The following CNTNAP4 variants were observed in gnomAD, a reference collection of about 807,000 sequenced individuals.
CNTNAP4 encodes contactin associated protein family member 4.
In CNTNAP4, 98 loss-of-function variants were observed where a neutral mutation model predicts 148.4. That is an observed-to-expected ratio of 0.66 (90% CI 0.56 to 0.78). The LOEUF is 0.78. Among genes scored for constraint, CNTNAP4 ranks in the 30% least tolerant of loss-of-function variants. CNTNAP4 has a pLI of 0.00. For synonymous variants in CNTNAP4, 730 were observed against 565.1 expected, an observed-to-expected ratio of 1.29 and a Z score of -4.14; for missense variants, 1,935 against 1,565.6, an observed-to-expected ratio of 1.24 and a Z score of -3.98.
intron 3 of CNTNAP4, among the ~76,000 whole-genome samples, chr16:76,419,418 T>C (rs1312574692): frequency 6.6e-6 from 1 of 152,068 alleles, no homozygotes; most frequent in African/African-American, 2.4e-5. Context: ...GGGAGTCTTT[T>C]TCTAATCTTC....
chr16:76,448,887 T>A lies in CNTNAP4; in HGVS notation c.863T>A (p.Val288Glu). The A allele has an allele frequency of 6.2e-7, 1 of 1,613,798 alleles. No individual in the cohort carries two copies. The highest frequency in any genetic ancestry group is 8.5e-7 in the Non-Finnish European group (1 of 1,179,844). ...TTGGGCAAACAAGTCAACTTCACAG[T>A]GGACGAACACAGGCATCATTTCCAT... ...QRLGKQVNFT[V>E]DEHRHHFHAR... The change falls in exon 6 of 24, where the codon GTG becomes GAG. Residue 288 changes from valine to glutamate, a missense_variant. Val to Glu is a moderately radical substitution (Grantham distance 121). Coordinates refer to ENST00000611870, the MANE Select transcript of CNTNAP4 (RefSeq NM_033401.5).
chr16:76,558,157 TTAAAAC>T (rs2085272953), intron 23 of CNTNAP4: 1 of 180,278 alleles, frequency 5.5e-6, no homozygotes, highest in Non-Finnish European at 1.1e-5. Flanking sequence ...TTCAAAATAA[TTAAAAC>T]TAATATGAAG....
intron 3 of CNTNAP4, among the ~76,000 whole-genome samples, chr16:76,404,916 G>A (rs78227244): frequency 0.035 from 5,389 of 152,100 alleles, 319 homozygotes; most frequent in African/African-American, 0.12. Context: ...GAGGTGATGG[G>A]TGTATTCATT....
intron 1 of CNTNAP4, among the ~76,000 whole-genome samples, chr16:76,279,006 T>C (rs1405151355): frequency 2.6e-5 from 4 of 152,208 alleles, no homozygotes; most frequent in East Asian, 1.9e-4. Flanking sequence ...AGTTTGAGTG[T>C]TGTGATAATC....
At chr16:76,540,659 C>T (rs1301707607) in intron 20 of CNTNAP4, 44 bp from the exon 21 acceptor site, 9 of 1,382,864 alleles carry the variant, frequency 6.5e-6, no homozygotes, top group East Asian at 2.5e-5. Context: ...CTCAACAAAA[C>T]GTCATCCATT....
chr16:76,504,978 A>C (rs2082789144), intron 15 of CNTNAP4, among the ~76,000 whole-genome samples: 1 of 152,174 alleles, frequency 6.6e-6, no homozygotes, highest in African/African-American at 2.4e-5. Flanking sequence ...AAGTGCTAGT[A>C]AGGATTTAGA....
intron 15 of CNTNAP4, among the ~76,000 whole-genome samples, chr16:76,520,762 A>G (rs2083422157): frequency 6.6e-6 from 1 of 152,172 alleles, no homozygotes; most frequent in Non-Finnish European, 1.5e-5. Flanking sequence ...AAAGCAGGTA[A>G]GTGTTTTAAT....
intron 3 of CNTNAP4, among the ~76,000 whole-genome samples, chr16:76,358,699 G>A (rs1293804189): frequency 6.6e-6 from 1 of 152,132 alleles, no homozygotes; most frequent in Non-Finnish European, 1.5e-5. Context: ...AGATAATGTT[G>A]GATCTGGCAA....
At chr16:76,515,055 G>A (rs768892839) in intron 15 of CNTNAP4, among the ~76,000 whole-genome samples, 13 of 151,968 alleles carry the variant, frequency 8.6e-5, no homozygotes, top group East Asian at 1.9e-4. Context: ...ACTTGACATC[G>A]AAAGCACAAT....
At chr16:76,293,634 C>T (rs1959175279) in intron 1 of CNTNAP4, among the ~76,000 whole-genome samples, 1 of 152,056 alleles carries the variant, frequency 6.6e-6, no homozygotes, top group Non-Finnish European at 1.5e-5. Context: ...AGTGACTGCA[C>T]TTAAGGGATC....
intron 3 of CNTNAP4, among the ~76,000 whole-genome samples, chr16:76,413,230 C>T (rs1353874904): frequency 6.6e-6 from 1 of 151,226 alleles, no homozygotes; most frequent in African/African-American, 2.4e-5. Flanking sequence ...ACCCGTTAAC[C>T]ATCCCCACCT....
intron 4 of CNTNAP4, among the ~76,000 whole-genome samples, chr16:76,430,200 A>G (rs1335663324): frequency 1.3e-5 from 2 of 152,176 alleles, no homozygotes; most frequent in Non-Finnish European, 2.9e-5. Flanking sequence ...TAAAGTTAAT[A>G]TGTGTCAGAG....
intron 3 of CNTNAP4, among the ~76,000 whole-genome samples, chr16:76,393,396 T>C (rs988055484): frequency 2.6e-5 from 4 of 152,238 alleles, no homozygotes; most frequent in African/African-American, 9.6e-5. Context: ...GTGACAATGA[T>C]AGCAACCCAC....
chr16:76,358,269 G>C (rs1217868900), intron 3 of CNTNAP4, among the ~76,000 whole-genome samples: 1 of 152,204 alleles, frequency 6.6e-6, no homozygotes, highest in Non-Finnish European at 1.5e-5. Context: ...CTGGGAGGCA[G>C]AGGTTGCAGT....
At chr16:76,418,485 G>A (rs1394043454) in intron 3 of CNTNAP4, among the ~76,000 whole-genome samples, 4 of 150,966 alleles carry the variant, frequency 2.6e-5, no homozygotes, top group Non-Finnish European at 5.9e-5. Flanking sequence ...CTGTTGTTGG[G>A]CCCATCAAAG....
intron 3 of CNTNAP4, among the ~76,000 whole-genome samples, chr16:76,384,189 A>G (rs1237987265): frequency 1.3e-5 from 2 of 151,802 alleles, no homozygotes; most frequent in African/African-American, 4.8e-5. Context: ...GATTACAGGC[A>G]TGCACCACCA....
chr16:76,284,325 A>G (rs62049684), intron 1 of CNTNAP4, among the ~76,000 whole-genome samples: 29,025 of 151,754 alleles, frequency 0.19, 2,920 homozygotes, highest in East Asian at 0.33. Flanking sequence ...AATACTCTTT[A>G]ACAGATTTTC....
intron 1 of CNTNAP4, among the ~76,000 whole-genome samples, chr16:76,281,873 A>G (rs1958699874): frequency 6.6e-6 from 1 of 151,916 alleles, no homozygotes; most frequent in African/African-American, 2.4e-5. Context: ...TTATTCTTCC[A>G]CTTATTAGTA....
chr16:76,449,875 G>A lies in CNTNAP4; in HGVS notation c.1071+17G>A, dbSNP rs377065311. 18 of 1,581,274 alleles carry A rather than the reference G, an allele frequency of 1.1e-5. No homozygotes were observed. The highest frequency in any genetic ancestry group is 9.6e-5 in the South Asian group (8 of 82,946). Reference sequence around the variant, plus strand: ...ATTGCTATGGTGAGAGTCTTTATGCGAAGACATTAGTAAAACTATATTTCT... The same window carrying A: ...ATTGCTATGGTGAGAGTCTTTATGCAAAGACATTAGTAAAACTATATTTCT... On this transcript the variant is annotated intron_variant, in intron 7 of 23. Transcript: ENST00000611870.
Sources: allele counts gnomAD v4.1 joint callset (sites outside exome capture counted in the v4.1 genomes callset), GRCh38; gene constraint gnomAD v4.1.1; transcripts MANE v1.5; gene names NCBI Gene and HGNC (gene_info 2026-07-23, HGNC 2026-07-21).